Variants in DMXL1 observed in about 807,000 individuals in gnomAD.
DMXL1 encodes the protein Dmx like 1.
A neutral mutation model predicts 319.2 loss-of-function variants in DMXL1; 99 were observed. The observed-to-expected ratio is 0.31, with a 90% CI of 0.26 to 0.37. The LOEUF is 0.37. DMXL1 is among the 10% of genes least tolerant of loss of function. The pLI, the probability that DMXL1 is intolerant of heterozygous loss-of-function variation, is 1.00. For synonymous variants in DMXL1, 1,385 were observed against 1,235.2 expected (o/e 1.12, Z -2.54); for missense variants, 3,745 against 3,595.6 (o/e 1.04, Z -1.06).
Position 119,166,788 on chromosome 5 carries a change from A to T in DMXL1, c.5136+7A>T. The T allele has an allele frequency of 1.3e-6, 2 of 1,595,346 alleles. No individual in the cohort carries two copies. The highest frequency in any genetic ancestry group is 1.7e-6 in the Non-Finnish European group (2 of 1,172,594). ...CCTCAGAGATGCAATTGAGGTAATG[A>T]GTGAAATTTAAATAACAAAGTATAG... On this transcript the variant is annotated splice_region_variant and intron_variant, in intron 22 of 43. Transcript: ENST00000539542.
intron 42 of DMXL1, among the ~76,000 whole-genome samples, chr5:119,241,052 TTAAC>T (rs1163968237): frequency 1.3e-5 from 2 of 152,154 alleles, no homozygotes; most frequent in African/African-American, 4.8e-5. Flanking sequence ...CCCCCAGAAT[TTAAC>T]TACTAATAGC....
chr5:119,197,698 A>G (rs1581265352), intron 31 of DMXL1, 57 bp from the exon 32 acceptor site: 17 of 1,520,386 alleles, frequency 1.1e-5, no homozygotes, highest in Non-Finnish European at 1.5e-5. Context: ...TCTTTCTTAA[A>G]ATTGAATATG....
chr5:119,236,788 C>A (rs936298844), intron 39 of DMXL1: 1 of 151,892 alleles, frequency 6.6e-6, no homozygotes, highest in African/African-American at 2.4e-5. Flanking sequence ...CTTACTCATC[C>A]TTCAAGATCT....
chr5:119,108,226 A>G (rs1337986767), intron 4 of DMXL1, among the ~76,000 whole-genome samples: 1 of 152,170 alleles, frequency 6.6e-6, no homozygotes, highest in Non-Finnish European at 1.5e-5. Flanking sequence ...TGATTGTTCT[A>G]GAAATACACA....
At chr5:119,117,897 T>C (rs1176848715) in intron 7 of DMXL1, among the ~76,000 whole-genome samples, 1 of 152,250 alleles carries the variant, frequency 6.6e-6, no homozygotes, top group African/African-American at 2.4e-5. Flanking sequence ...TTTAACTCAC[T>C]GAGTTACTGA....
intron 13 of DMXL1, chr5:119,138,856 T>A (rs934855369): frequency 6.6e-6 from 1 of 152,158 alleles, no homozygotes. Flanking sequence ...ATAGATTGAA[T>A]GTGTGCTCAC....
intron 21 of DMXL1, 33 bp from the exon 22 acceptor site, chr5:119,166,583 C>A: frequency 1.3e-6 from 2 of 1,568,674 alleles, no homozygotes; most frequent in South Asian, 1.2e-5. Context: ...AATTGTATTC[C>A]AAAATTTTCA....
intron 42 of DMXL1, 105 bp from the exon 43 acceptor site, chr5:119,244,254 C>A: frequency 1.3e-6 from 1 of 789,868 alleles, no homozygotes; most frequent in Non-Finnish European, 2.0e-6. Context: ...TTAATTGTTT[C>A]AGGCAGGATT....
intron 2 of DMXL1, among the ~76,000 whole-genome samples, chr5:119,100,450 A>G (rs892408148): frequency 1.3e-5 from 2 of 151,950 alleles, no homozygotes; most frequent in Non-Finnish European, 2.9e-5. Flanking sequence ...AAAAAAAAAA[A>G]AAGAAGGAAA....
chr5:119,124,033 G>T (rs10054463), intron 9 of DMXL1, among the ~76,000 whole-genome samples: 1,860 of 151,698 alleles, frequency 0.012, 26 homozygotes, highest in Middle Eastern at 0.041. Context: ...AAGGAGCTGG[G>T]CATGGTCACT....
chr5:119,217,656 C>A (rs1289625327), intron 35 of DMXL1, among the ~76,000 whole-genome samples: 3 of 151,644 alleles, frequency 2.0e-5, no homozygotes, highest in African/African-American at 7.3e-5. Context: ...ATAGAAGATA[C>A]CTAAAGGAGA....
chr5:119,071,620 C>T lies in DMXL1; in HGVS notation c.51C>T (p.Cys17=), dbSNP rs1749577798. The T allele has an allele frequency of 1.2e-6, 2 of 1,603,798 alleles. No homozygotes were observed. The highest frequency in any genetic ancestry group is 1.3e-5 in the African/African-American group (1 of 74,596). ...LTGAVNPGDH[C]FSVGSIGDQR... is the part of the protein sequence containing the mutation. Reference sequence around the variant, plus strand: ...GGGCTGTGAACCCTGGCGACCACTGCTTCTCCGTGGGCAGCATTGGCGACC... The same window carrying T: ...GGGCTGTGAACCCTGGCGACCACTGTTTCTCCGTGGGCAGCATTGGCGACC... Residue 17 remains cysteine (C), a synonymous_variant, in exon 1 of 44, where the codon TGC becomes TGT. Coordinates refer to ENST00000539542, the MANE Select transcript of DMXL1 (RefSeq NM_001290321.3).
At chr5:119,100,880 C>T (rs557391739) in intron 2 of DMXL1, among the ~76,000 whole-genome samples, 69 of 148,564 alleles carry the variant, frequency 4.6e-4, no homozygotes, top group African/African-American at 6.7e-4. Flanking sequence ...CCCGGGTTCA[C>T]GCCATTCTCC....
intron 9 of DMXL1, among the ~76,000 whole-genome samples, chr5:119,124,521 A>G (rs951667538): frequency 6.6e-6 from 1 of 151,310 alleles, no homozygotes; most frequent in Non-Finnish European, 1.5e-5. Flanking sequence ...TGTTGATATT[A>G]AGATACATAT....
intron 26 of DMXL1, among the ~76,000 whole-genome samples, chr5:119,175,935 AG>A (rs1305444138): frequency 6.6e-6 from 1 of 151,986 alleles, no homozygotes; most frequent in African/African-American, 2.4e-5. Context: ...TATTTCTTCA[AG>A]TATTGTCTCA....
intron 40 of DMXL1, 95 bp downstream of exon 40, chr5:119,237,509 A>C: frequency 1.4e-6 from 1 of 730,302 alleles, no homozygotes; most frequent in Non-Finnish European, 2.4e-6. Context: ...AGAACTAATA[A>C]ATAAAATATA....
intron 13 of DMXL1, among the ~76,000 whole-genome samples, chr5:119,135,446 A>C (rs940515941): frequency 1.3e-5 from 2 of 152,210 alleles, no homozygotes; most frequent in Non-Finnish European, 1.5e-5. Context: ...CTAGATACGT[A>C]GATATTTATT....
At chr5:119,222,705 G>A (rs10051559) in intron 37 of DMXL1, among the ~76,000 whole-genome samples, 137,933 of 152,186 alleles carry the variant, frequency 0.91, 62,674 homozygotes, top group Middle Eastern at 0.94. Flanking sequence ...TTCCCAATAC[G>A]GCTTTTAAAT....
chr5:119,246,903 G>T (rs1472193387), intron 43 of DMXL1, 92 bp from the exon 44 acceptor site: 1 of 911,514 alleles, frequency 1.1e-6, no homozygotes, highest in Non-Finnish European at 1.7e-6. Context: ...AAAGTGCTGG[G>T]ATTACAGGCA....
Sources: allele counts gnomAD v4.1 joint callset (sites outside exome capture counted in the v4.1 genomes callset), GRCh38; gene constraint gnomAD v4.1.1; transcripts MANE v1.5; gene names NCBI Gene and HGNC (gene_info 2026-07-23, HGNC 2026-07-21).